The following MAK variants were observed in gnomAD, a reference collection of about 807,000 sequenced individuals.
MAK encodes the protein male germ cell associated kinase, also known as serine/threonine-protein kinase MAK.
Under a neutral mutation model 82.6 loss-of-function variants are expected in MAK, and 65 were observed. The ratio of observed to expected loss-of-function variants is 0.79; its 90% CI spans 0.64 to 0.97. MAK has a LOEUF of 0.97. Ranked by LOEUF, MAK falls within the 50% of genes least tolerant of loss-of-function variation. MAK has a pLI of 0.00. For missense variants in MAK, 703 were observed against 780.2 expected (o/e 0.90, Z 1.18); for synonymous variants, 250 against 274.2 (o/e 0.91, Z 0.87).
At chr6:10,831,523 A>C (rs1189259121) in intron 1 of MAK, among the ~76,000 whole-genome samples, 5 of 152,154 alleles carry the variant, frequency 3.3e-5, no homozygotes, top group Non-Finnish European at 4.4e-5. Flanking sequence ...AGGCCAAGGC[A>C]GGAGGATTGT....
chr6:10,815,912 G>GTATATATATATATATATATATA (rs3064109), intron 4 of MAK, among the ~76,000 whole-genome samples: 53 of 108,288 alleles, frequency 4.9e-4, no homozygotes, highest in African/African-American at 1.3e-3. Flanking sequence ...GCTTTATACA[G>GTATATATATATATATATATATA]TATATATATA....
At chr6:10,835,128 C>G (rs1779071397) in intron 1 of MAK, among the ~76,000 whole-genome samples, 1 of 152,252 alleles carries the variant, frequency 6.6e-6, no homozygotes, top group African/African-American at 2.4e-5. Context: ...ACTAACTTAT[C>G]TAGATTAGTT....
intron 13 of MAK, among the ~76,000 whole-genome samples, chr6:10,770,923 A>G (rs1461864930): frequency 1.3e-5 from 2 of 152,146 alleles, no homozygotes; most frequent in Non-Finnish European, 1.5e-5. Context: ...AGGGTGAAGA[A>G]GAAGGGAACT....
chr6:10,774,306 A>G (rs1314112251), intron 12 of MAK, among the ~76,000 whole-genome samples: 5 of 152,196 alleles, frequency 3.3e-5, no homozygotes, highest in African/African-American at 9.6e-5. Flanking sequence ...TGAGTATTAT[A>G]TATTTTGATT....
At chr6:10,814,856 G>A (rs946163388) in intron 4 of MAK, among the ~76,000 whole-genome samples, 1 of 152,024 alleles carries the variant, frequency 6.6e-6, no homozygotes, top group African/African-American at 2.4e-5. Context: ...TCGCCAACAT[G>A]GTGAAACCTC....
At chr6:10,829,291 T>G (rs1223326772) in intron 2 of MAK, 1 of 152,260 alleles carries the variant, frequency 6.6e-6, no homozygotes, top group African/African-American at 2.4e-5. Context: ...TTCTATTTCA[T>G]AAGTTCAGGA....
In MAK at chr6:10,803,686, A is replaced by G. The variant is rs747071211; in HGVS notation, c.663+34T>C. 1.0e-5 allele frequency: 16 copies of G among 1,584,692 alleles called. No homozygotes were observed. In the African/African-American group the frequency reaches 1.7e-4, roughly 17 times the overall value. ...CAAAGTAGCAAGATAGAAATAATCA[A>G]AAGTTATAGCAACTTAGGGACAAGA... On this transcript the variant is annotated intron_variant, in intron 7 of 14. Transcript: ENST00000354489.
chr6:10,767,806 A>C (rs509458), intron 14 of MAK, among the ~76,000 whole-genome samples: 93,487 of 131,470 alleles, frequency 0.71, 33,546 homozygotes, highest in East Asian at 0.83. Flanking sequence ...AAAAAAAAAA[A>C]AAAAACAAAA....
intron 6 of MAK, among the ~76,000 whole-genome samples, chr6:10,806,856 T>A (rs1776504010): frequency 1.3e-5 from 2 of 152,176 alleles, no homozygotes; most frequent in South Asian, 4.1e-4. Context: ...CGGATGCCAG[T>A]GCCATGCTTC....
chr6:10,808,163 A>C (rs942124233), intron 6 of MAK, among the ~76,000 whole-genome samples: 1 of 152,126 alleles, frequency 6.6e-6, no homozygotes, highest in African/African-American at 2.4e-5. Context: ...ACTGCTTGCT[A>C]TCCTGACTTT....
intron 10 of MAK, among the ~76,000 whole-genome samples, chr6:10,788,735 CAAAAAGAAA>C (rs914271357): frequency 4.7e-4 from 71 of 151,174 alleles, no homozygotes; most frequent in African/African-American, 1.4e-3. Context: ...CATTCCGTCT[CAAAAAGAAA>C]AAAAAGAAAA....
At chr6:10,822,369 G>A (rs558654391) in intron 2 of MAK, among the ~76,000 whole-genome samples, 7 of 151,470 alleles carry the variant, frequency 4.6e-5, no homozygotes, top group South Asian at 2.1e-4. Flanking sequence ...CAGGAGAATC[G>A]CTTGAACCTG....
intron 4 of MAK, among the ~76,000 whole-genome samples, chr6:10,816,425 T>G (rs1200770891): frequency 8.3e-6 from 1 of 119,794 alleles, no homozygotes; most frequent in African/African-American, 2.5e-5. Context: ...TGAATTTACA[T>G]GTATTTCATT....
At chr6:10,828,482 G>T (rs1007344025) in intron 2 of MAK, among the ~76,000 whole-genome samples, 1 of 152,132 alleles carries the variant, frequency 6.6e-6, no homozygotes, top group African/African-American at 2.4e-5. Context: ...CTAGCCCCCA[G>T]ACTTTCACGG....
Position 10,764,306 on chromosome 6 carries a change from G to A in MAK, c.*146C>T. The A allele has an allele frequency of 1.4e-6, 1 of 726,556 alleles. No individual in the cohort carries two copies. Among genetic ancestry groups the A allele is most frequent in the East Asian group, 2.7e-5 (1 of 36,834 alleles). The allele number at this position is 726,556 out of a possible 1,614,324, so 45.0% of individuals were successfully genotyped here. On this transcript the variant is annotated 3_prime_UTR_variant, in exon 15 of 15. Coordinates refer to ENST00000354489, the MANE Select transcript of MAK (RefSeq NM_001242957.3). ...CATTTCTTGGAAATAAGTAAAATAGGGGATGATTTTTGCCCTTCCAAGTAC... is the reference window on the plus strand; with the variant it reads ...CATTTCTTGGAAATAAGTAAAATAGAGGATGATTTTTGCCCTTCCAAGTAC...
chr6:10,765,149 T>C (rs1464604756), intron 14 of MAK, among the ~76,000 whole-genome samples: 1 of 151,798 alleles, frequency 6.6e-6, no homozygotes, highest in Non-Finnish European at 1.5e-5. Flanking sequence ...TTATTCCTGG[T>C]TTATAGTGCT....
chr6:10,832,506 G>A (rs747493307), intron 1 of MAK, among the ~76,000 whole-genome samples: 21 of 152,246 alleles, frequency 1.4e-4, no homozygotes, highest in East Asian at 1.9e-4. Context: ...CACCCTGATC[G>A]GTCAGCAGCC....
intron 11 of MAK, among the ~76,000 whole-genome samples, chr6:10,777,213 C>T (rs1039420934): frequency 1.5e-4 from 23 of 151,998 alleles, no homozygotes; most frequent in African/African-American, 5.6e-4. Flanking sequence ...TCGAGACAAG[C>T]CTGGCCAACA....
intron 14 of MAK, among the ~76,000 whole-genome samples, chr6:10,768,235 G>C (rs1490523269): frequency 6.6e-6 from 1 of 152,092 alleles, no homozygotes; most frequent in East Asian, 1.9e-4. Flanking sequence ...TAGATACCTA[G>C]GTAACAAAAT....
Sources: allele counts gnomAD v4.1 joint callset (sites outside exome capture counted in the v4.1 genomes callset), GRCh38; gene constraint gnomAD v4.1.1; transcripts MANE v1.5; gene names NCBI Gene and HGNC (gene_info 2026-07-23, HGNC 2026-07-21).